C8orf34: variants seen among roughly 807,000 people sequenced by gnomAD.
C8orf34 encodes chromosome 8 open reading frame 34.
A neutral mutation model predicts 68.3 loss-of-function variants in C8orf34; 65 were observed. That is an observed-to-expected ratio of 0.95 (90% CI 0.78 to 1.17). The LOEUF (loss-of-function observed/expected upper bound fraction) is 1.17, where lower values mean the gene tolerates loss of function less well. Among genes scored for constraint, C8orf34 ranks in the 50% most tolerant of loss-of-function variants. The pLI is 0.00. For synonymous variants in C8orf34, 244 were observed against 241.2 expected, an observed-to-expected ratio of 1.01 and a Z score of -0.11; for missense variants, 664 against 655.4, an observed-to-expected ratio of 1.01 and a Z score of -0.14.
intron 1 of C8orf34, among the ~76,000 whole-genome samples, chr8:68,430,693 CT>C (rs1472815904): frequency 2.6e-5 from 4 of 152,008 alleles, no homozygotes; most frequent in African/African-American, 7.2e-5. Context: ...TAAAATGGTC[CT>C]TGTGAATGAG....
At chr8:68,794,505 A>ATATAT (rs1313909362) in intron 12 of C8orf34, among the ~76,000 whole-genome samples, 5 of 62,238 alleles carry the variant, frequency 8.0e-5, no homozygotes, top group South Asian at 5.3e-4. Flanking sequence ...ATATATATAT[A>ATATAT]TTTTTTTTTT....
intron 7 of C8orf34, among the ~76,000 whole-genome samples, chr8:68,592,481 A>AT (rs1157039578): frequency 2.0e-4 from 29 of 148,538 alleles, no homozygotes. Context: ...ATAAGTTAAT[A>AT]TTTTATCTTA....
intron 1 of C8orf34, among the ~76,000 whole-genome samples, chr8:68,372,906 G>A (rs117517786): frequency 1.3e-4 from 20 of 152,322 alleles, no homozygotes; most frequent in East Asian, 7.7e-4. Context: ...GGAAATGAAC[G>A]TGCAGAGTAC....
At chr8:68,783,166 T>C (rs1585875958) in intron 11 of C8orf34, among the ~76,000 whole-genome samples, 1 of 151,872 alleles carries the variant, frequency 6.6e-6, no homozygotes, top group East Asian at 1.9e-4. Context: ...ATTACTAACC[T>C]AAAGGGAAAA....
At chr8:68,665,714 G>A (rs1301456586) in intron 8 of C8orf34, among the ~76,000 whole-genome samples, 2 of 151,996 alleles carry the variant, frequency 1.3e-5, no homozygotes, top group African/African-American at 4.8e-5. Flanking sequence ...ATTTATTCAG[G>A]TCCTGTTCCT....
At chr8:68,386,504 G>C (rs546502323) in intron 1 of C8orf34, among the ~76,000 whole-genome samples, 6 of 152,114 alleles carry the variant, frequency 3.9e-5, no homozygotes, top group Admixed American at 1.3e-4. Context: ...GAATCTATAG[G>C]TGGAAACAAC....
rs186568665 is a variant in C8orf34 at position 68,406,565 on chromosome 8, C to G, written c.328-32934C>G. ...AGGCTAGAGTGCAGTGGCGTGATCT[C>G]AGCACACTGCAATCTCTGCCTCCAG... On this transcript the variant is annotated intron_variant, in intron 1 of 13. Coordinates refer to ENST00000518698, the MANE Select transcript of C8orf34 (RefSeq NM_052958.4). Among the ~76,000 whole-genome samples, 103 of 152,100 alleles carry G rather than the reference C, an allele frequency of 6.8e-4. 1 individual carries two copies. The highest frequency in any genetic ancestry group is 2.4e-3 in the African/African-American group (101 of 41,504).
intron 1 of C8orf34, among the ~76,000 whole-genome samples, chr8:68,335,596 T>C (rs1216929020): frequency 6.6e-6 from 1 of 152,206 alleles, no homozygotes; most frequent in Non-Finnish European, 1.5e-5. Flanking sequence ...TTTTAAAATG[T>C]TACTTTAATT....
chr8:68,790,892 A>G, intron 12 of C8orf34: 2 of 700,664 alleles, frequency 2.9e-6, no homozygotes, highest in Non-Finnish European at 5.2e-6. Flanking sequence ...TGCTTATTCT[A>G]AAAGTTGAGA....
In C8orf34 at chr8:68,681,363, A is replaced by G. The variant is rs535443557; in HGVS notation, c.1242-27631A>G. On this transcript the variant is annotated intron_variant, in intron 8 of 13. Transcript: ENST00000518698. Reference sequence around the variant, plus strand: ...TATTAAAATGAAATCTTCACAATTTATGTTCCTCTGCCGTGGCTCCAGCCG... The same window carrying G: ...TATTAAAATGAAATCTTCACAATTTGTGTTCCTCTGCCGTGGCTCCAGCCG... Among the ~76,000 whole-genome samples the G allele has an allele frequency of 2.5e-4, 38 of 152,300 alleles. No individual in the cohort carries two copies. In the South Asian group the frequency reaches 6.0e-3, roughly 24 times the overall value.
chr8:68,782,431 CT>C (rs10539738), intron 11 of C8orf34, among the ~76,000 whole-genome samples: 13,089 of 138,548 alleles, frequency 0.094, 862 homozygotes, highest in East Asian at 0.43. Flanking sequence ...GATTGAGTGT[CT>C]TTTTTTTTTT....
At chr8:68,667,469 G>A (rs952120152) in intron 8 of C8orf34, among the ~76,000 whole-genome samples, 5 of 152,056 alleles carry the variant, frequency 3.3e-5, no homozygotes, top group African/African-American at 1.2e-4. Context: ...AGATTTTCCT[G>A]TTAAGTCCAG....
In C8orf34 at chr8:68,747,554, A is replaced by G. The variant is rs1431084734; in HGVS notation, c.1404+26117A>G. ...CAGCAAAGTCTCAGGATACAAAATC[A>G]ATGTACAAAAATCACAAGCATTCTT... On this transcript the variant is annotated intron_variant, in intron 10 of 13. Coordinates refer to ENST00000518698, the MANE Select transcript of C8orf34 (RefSeq NM_052958.4). Among the ~76,000 whole-genome samples the G allele has an allele frequency of 2.6e-5, 4 of 151,014 alleles. No individual in the cohort carries two copies. The East Asian group carries it at 7.7e-4, about 29-fold the overall frequency.
intron 1 of C8orf34, among the ~76,000 whole-genome samples, chr8:68,374,701 T>TA (rs1017840908): frequency 2.4e-4 from 37 of 152,156 alleles, no homozygotes; most frequent in Admixed American, 8.5e-4. Flanking sequence ...TTTCAAAAAA[T>TA]AAAAAAATGT....
chr8:68,396,389 A>G (rs1808708546), intron 1 of C8orf34, among the ~76,000 whole-genome samples: 1 of 152,030 alleles, frequency 6.6e-6, no homozygotes, highest in Admixed American at 6.6e-5. Flanking sequence ...AAGGCTTTGT[A>G]AACTTGGGCA....
chr8:68,587,298 A>G (rs1208746178), intron 7 of C8orf34, among the ~76,000 whole-genome samples: 11 of 152,182 alleles, frequency 7.2e-5, no homozygotes, highest in Admixed American at 2.6e-4. Flanking sequence ...TTTAAGACAT[A>G]TTACTGAACA....
At chr8:68,750,762 T>C (rs1822682187) in intron 10 of C8orf34, among the ~76,000 whole-genome samples, 1 of 152,168 alleles carries the variant, frequency 6.6e-6, no homozygotes, top group African/African-American at 2.4e-5. Flanking sequence ...AATCAATTAG[T>C]CATCCTCATA....
intron 1 of C8orf34, among the ~76,000 whole-genome samples, chr8:68,389,196 A>G (rs1243523803): frequency 6.6e-6 from 1 of 152,164 alleles, no homozygotes; most frequent in Non-Finnish European, 1.5e-5. Flanking sequence ...GGAGCCTGTT[A>G]TATATTGAAT....
chr8:68,812,183 T>C (rs1390841772), intron 12 of C8orf34, among the ~76,000 whole-genome samples: 1 of 152,200 alleles, frequency 6.6e-6, no homozygotes, highest in Admixed American at 6.5e-5. Flanking sequence ...CAAATTATTA[T>C]CTACAAGCAA....
Sources: allele counts gnomAD v4.1 joint callset (sites outside exome capture counted in the v4.1 genomes callset), GRCh38; gene constraint gnomAD v4.1.1; transcripts MANE v1.5; gene names NCBI Gene and HGNC (gene_info 2026-07-23, HGNC 2026-07-21).